The following PARM1 variants were observed in gnomAD, a reference collection of about 807,000 sequenced individuals.
PARM1 encodes the protein prostate androgen-regulated mucin-like protein 1, also known as WSC4, cell wall integrity and stress response component 4 homolog.
A neutral mutation model predicts 24.6 loss-of-function variants in PARM1; 14 were observed. The observed-to-expected ratio is 0.57, with a 90% CI of 0.38 to 0.89. The LOEUF is 0.89. PARM1 is among the 40% of genes least tolerant of loss of function. PARM1 has a pLI of 0.00. For synonymous variants in PARM1, 179 were observed against 156.6 expected (o/e 1.14, Z -1.07); for missense variants, 362 against 380.4 (o/e 0.95, Z 0.40).
At chr4:74,989,508 C>T (rs191240845) in intron 1 of PARM1, among the ~76,000 whole-genome samples, 57 of 152,254 alleles carry the variant, frequency 3.7e-4, no homozygotes, top group African/African-American at 1.3e-3. Context: ...TTTCCATGCC[C>T]TCTCTGGCAG....
intron 2 of PARM1, among the ~76,000 whole-genome samples, chr4:75,014,215 A>G (rs1432579338): frequency 6.6e-6 from 1 of 152,178 alleles, no homozygotes; most frequent in East Asian, 1.9e-4. Flanking sequence ...TTGACAGTGG[A>G]GGTAGGAAGA....
intron 2 of PARM1, among the ~76,000 whole-genome samples, chr4:75,027,392 C>T (rs1191111844): frequency 1.3e-5 from 2 of 151,966 alleles, no homozygotes; most frequent in Admixed American, 6.6e-5. Flanking sequence ...CTTCCCCTGG[C>T]ATGGGGTGGA....
chr4:75,010,627 C>T (rs747774629), intron 1 of PARM1, among the ~76,000 whole-genome samples: 7 of 152,122 alleles, frequency 4.6e-5, no homozygotes, highest in Admixed American at 3.9e-4. Flanking sequence ...AGAGGTGACA[C>T]AATCAAAGTG....
rs757805347 is a variant in PARM1 at position 75,012,964 on chromosome 4, T to G, written c.583T>G (p.Ser195Ala). Reference protein sequence around the residue: ...QPTGAPTAPESPTEESSSDHT... With the variant: ...QPTGAPTAPEAPTEESSSDHT... ...CACTGGAGCTCCAACTGCACCAGAG[T>G]CCCCGACAGAGGAGTCCAGCTCTGA... is the stretch of plus-strand genomic sequence containing the variant. The change falls in exon 2 of 4, where the codon TCC (serine) becomes GCC (alanine). Residue 195 changes from serine (S) to alanine (A), a missense_variant. By Grantham distance (99) the Ser-to-Ala change is moderately conservative. Coordinates refer to ENST00000307428, the MANE Select transcript of PARM1 (RefSeq NM_015393.4). 1 of 1,613,590 alleles carries G rather than the reference T, an allele frequency of 6.2e-7. No homozygotes were observed. Among genetic ancestry groups the G allele is most frequent in the Non-Finnish European group, 8.5e-7 (1 of 1,179,794 alleles).
chr4:74,996,347 T>G (rs184170667), intron 1 of PARM1, among the ~76,000 whole-genome samples: 2 of 152,332 alleles, frequency 1.3e-5, no homozygotes, highest in African/African-American at 4.8e-5. Flanking sequence ...TCTAAATAAT[T>G]TTTTAAATTG....
At chr4:75,021,386 G>A (rs1272449084) in intron 2 of PARM1, among the ~76,000 whole-genome samples, 3 of 151,788 alleles carry the variant, frequency 2.0e-5, no homozygotes, top group Non-Finnish European at 4.4e-5. Flanking sequence ...CTCCAAGGCT[G>A]CCAATGCTAT....
At chr4:75,045,931 A>G (rs1723592375) in intron 3 of PARM1, among the ~76,000 whole-genome samples, 1 of 152,178 alleles carries the variant, frequency 6.6e-6, no homozygotes, top group East Asian at 1.9e-4. Context: ...AAGGACTCAG[A>G]TGATGCCAAC....
At chr4:74,985,677 C>T (rs1280624285) in intron 1 of PARM1, among the ~76,000 whole-genome samples, 1 of 152,184 alleles carries the variant, frequency 6.6e-6, no homozygotes, top group Non-Finnish European at 1.5e-5. Context: ...CATACAACTG[C>T]CTCATTCCAT....
At chr4:75,041,919 T>C (rs1419273083) in intron 3 of PARM1, among the ~76,000 whole-genome samples, 2 of 152,234 alleles carry the variant, frequency 1.3e-5, no homozygotes, top group Non-Finnish European at 2.9e-5. Flanking sequence ...ACAGTGCCAT[T>C]GATTAACGGG....
chr4:74,984,827 TG>T lies in PARM1; in HGVS notation c.44-27597del, dbSNP rs375945620. Among the ~76,000 whole-genome samples, 505 of 152,310 alleles carry T rather than the reference TG, an allele frequency of 3.3e-3. 5 individuals carry two copies. The highest frequency in any genetic ancestry group is 0.011 in the African/African-American group (470 of 41,576). On this transcript the variant is annotated intron_variant, in intron 1 of 3. Coordinates refer to ENST00000307428, the MANE Select transcript of PARM1 (RefSeq NM_015393.4). ...AAACATTTTTTTATTTTTAAAAGATTGTTAAAGAAAAGCACACTAAGAAGAA... is the reference window on the plus strand; with the variant it reads ...AAACATTTTTTTATTTTTAAAAGATTTTAAAGAAAAGCACACTAAGAAGAA...
chr4:75,010,029 G>T (rs1201374596), intron 1 of PARM1, among the ~76,000 whole-genome samples: 1 of 152,114 alleles, frequency 6.6e-6, no homozygotes, highest in Non-Finnish European at 1.5e-5. Flanking sequence ...CTGACAGCAA[G>T]GACTCAAACA....
intron 2 of PARM1, among the ~76,000 whole-genome samples, chr4:75,023,579 A>G (rs1438088743): frequency 2.6e-5 from 4 of 152,262 alleles, no homozygotes; most frequent in Non-Finnish European, 5.9e-5. Context: ...TGTGAATATT[A>G]GGTAATAAAA....
At chr4:74,985,736 G>C (rs1722341977) in intron 1 of PARM1, among the ~76,000 whole-genome samples, 1 of 151,656 alleles carries the variant, frequency 6.6e-6, no homozygotes, top group Non-Finnish European at 1.5e-5. Flanking sequence ...TTATGTATCT[G>C]AGAGAATAAT....
At chr4:75,044,441 C>T (rs151321169) in intron 3 of PARM1, among the ~76,000 whole-genome samples, 1 of 152,202 alleles carries the variant, frequency 6.6e-6, no homozygotes. Flanking sequence ...TTATTTTTTC[C>T]AATCACTGTT....
chr4:74,952,929 G>A (rs1186587890), intron 1 of PARM1, among the ~76,000 whole-genome samples: 1 of 152,108 alleles, frequency 6.6e-6, no homozygotes, highest in African/African-American at 2.4e-5. Context: ...TTTAAAAGAA[G>A]GAGACCAAAT....
At chr4:74,959,421 G>A (rs1268866483) in intron 1 of PARM1, among the ~76,000 whole-genome samples, 2 of 152,212 alleles carry the variant, frequency 1.3e-5, no homozygotes, top group East Asian at 3.8e-4. Flanking sequence ...CCACCTTAGA[G>A]AGTGTCTATT....
In PARM1 at chr4:75,013,125, G is replaced by C. The variant is rs1232883009; in HGVS notation, c.744G>C (p.Gln248His). 1 of 1,613,360 alleles carries C rather than the reference G, an allele frequency of 6.2e-7. No individual in the cohort carries two copies. The highest frequency in any genetic ancestry group is 1.7e-5 in the Admixed American group (1 of 60,004). ...TTTTFPRVIM[Q>H]EVEHALSSGS... ...CCACCTTTCCCAGGGTGATCATGCA[G>C]GAAGTAGAACATGCATTAAGTTCAG... The change falls in exon 2 of 4, where the codon CAG becomes CAC. Residue 248 changes from glutamine to histidine, a missense_variant. Physicochemically the swap from Gln to His is conservative, Grantham distance 24. Coordinates refer to ENST00000307428, the MANE Select transcript of PARM1 (RefSeq NM_015393.4).
At chr4:74,963,149 C>T (rs1260323277) in intron 1 of PARM1, among the ~76,000 whole-genome samples, 2 of 152,192 alleles carry the variant, frequency 1.3e-5, no homozygotes, top group South Asian at 2.1e-4. Flanking sequence ...CCCAGCAATG[C>T]GGATCTGTGA....
At chr4:74,958,403 T>C (rs960913319) in intron 1 of PARM1, among the ~76,000 whole-genome samples, 2 of 152,178 alleles carry the variant, frequency 1.3e-5, no homozygotes, top group African/African-American at 4.8e-5. Context: ...GAATGGAGTA[T>C]AGCAGAAACC....
Sources: allele counts gnomAD v4.1 joint callset (sites outside exome capture counted in the v4.1 genomes callset), GRCh38; gene constraint gnomAD v4.1.1; transcripts MANE v1.5; gene names NCBI Gene and HGNC (gene_info 2026-07-23, HGNC 2026-07-21).